EDA: variants seen among roughly 807,000 people sequenced by gnomAD.
The protein encoded by EDA is ectodysplasin A, also known as ectodysplasin-A.
EDA carries 2 observed loss-of-function variants against 23.6 expected under a neutral mutation model. The observed-to-expected ratio is 0.08, with a 90% confidence interval of 0.03 to 0.27. The LOEUF (loss-of-function observed/expected upper bound fraction) is 0.27, where lower values mean the gene tolerates loss of function less well. Among genes scored for constraint, EDA ranks in the 10% least tolerant of loss-of-function variants. The probability of loss-of-function intolerance (pLI) is 1.00; values close to 1 mark genes in which losing one functional copy is unlikely to be tolerated. For synonymous variants in EDA, 131 were observed against 132.0 expected (o/e 0.99, Z 0.05); for missense variants, 229 against 324.2 (o/e 0.71, Z 2.26).
intron 1 of EDA, among the ~76,000 whole-genome samples, chrX:69,846,174 G>A (rs1046850140): frequency 2.7e-5 from 3 of 112,466 alleles, no homozygotes; most frequent in African/African-American, 6.5e-5. Context: ...ACTCAAGGAC[G>A]AAATTTTCAA....
chrX:69,794,969 G>A (rs2015507327), intron 1 of EDA, among the ~76,000 whole-genome samples: 1 of 111,638 alleles, frequency 9.0e-6, no homozygotes, highest in Non-Finnish European at 1.9e-5. Context: ...GCTCAAAAGA[G>A]GGGCTACATA....
intron 2 of EDA, among the ~76,000 whole-genome samples, chrX:69,997,051 C>G (rs985876943): frequency 7.2e-5 from 8 of 111,466 alleles, no homozygotes; most frequent in Admixed American, 6.7e-4. Flanking sequence ...TAAACTGGTA[C>G]CAGCAGAATG....
intron 1 of EDA, among the ~76,000 whole-genome samples, chrX:69,787,655 A>G (rs1389000289): frequency 1.8e-5 from 2 of 111,382 alleles, no homozygotes; most frequent in Non-Finnish European, 3.8e-5. Flanking sequence ...TTCTGCCGAG[A>G]GATCCGTTGT....
chrX:69,878,130 ACAGT>A (rs762038203), intron 1 of EDA, among the ~76,000 whole-genome samples: 1 of 112,293 alleles, frequency 8.9e-6, no homozygotes, highest in African/African-American at 3.2e-5. Flanking sequence ...CCTGGAATCA[ACAGT>A]ATATTACATA....
intron 1 of EDA, among the ~76,000 whole-genome samples, chrX:69,656,758 T>C (rs1182854716): frequency 1.8e-5 from 2 of 111,831 alleles, no homozygotes; most frequent in Non-Finnish European, 3.8e-5. Context: ...TATTTGGTTT[T>C]CTGTTCCTGC....
intron 1 of EDA, among the ~76,000 whole-genome samples, chrX:69,771,694 G>T (rs183942772): frequency 1.8e-5 from 2 of 111,950 alleles, no homozygotes; most frequent in Admixed American, 1.9e-4. Context: ...CAATAAAGCC[G>T]TTATGAAAAA....
chrX:69,739,955 G>T (rs1025584405), intron 1 of EDA, among the ~76,000 whole-genome samples: 15 of 111,132 alleles, frequency 1.3e-4, no homozygotes, highest in African/African-American at 4.6e-4. Context: ...TTTATATAGA[G>T]TGTATTATAT....
intron 1 of EDA, chrX:69,670,193 T>TTTTTC: frequency 3.0e-6 from 1 of 335,053 alleles, no homozygotes; most frequent in Non-Finnish European, 5.0e-6. Flanking sequence ...GTTTTTTTTT[T>TTTTTC]TTTTTTTTTC....
At chrX:69,882,764 G>A (rs889257730) in intron 1 of EDA, among the ~76,000 whole-genome samples, 3 of 110,818 alleles carry the variant, frequency 2.7e-5, no homozygotes, top group African/African-American at 6.6e-5. Context: ...GTGCAATGGC[G>A]CTATCTCAGC....
At chrX:69,696,653 C>T (rs1030699596) in intron 1 of EDA, among the ~76,000 whole-genome samples, 12 of 111,736 alleles carry the variant, frequency 1.1e-4, no homozygotes, top group African/African-American at 3.9e-4. Flanking sequence ...GGATTTTCAA[C>T]TCTTAGTAAC....
chrX:69,918,443 C>A (rs2018378195), intron 1 of EDA, among the ~76,000 whole-genome samples: 1 of 111,791 alleles, frequency 8.9e-6, no homozygotes, highest in African/African-American at 3.3e-5. Context: ...AGGTGTGAAC[C>A]ACCGTGCCCG....
At chrX:70,031,629 G>A (rs914939246) in intron 6 of EDA, among the ~76,000 whole-genome samples, 8 of 111,893 alleles carry the variant, frequency 7.1e-5, no homozygotes, top group African/African-American at 2.6e-4. Context: ...TGAACTGGCT[G>A]TGCTGAGTTT....
chrX:69,913,662 T>A (rs2147656992), intron 1 of EDA, among the ~76,000 whole-genome samples: 1 of 112,481 alleles, frequency 8.9e-6, no homozygotes, highest in Non-Finnish European at 1.9e-5. Context: ...TTCAAACACT[T>A]TTCCTTTGCA....
chrX:69,946,645 A>T (rs759072037), intron 1 of EDA, among the ~76,000 whole-genome samples: 22 of 111,085 alleles, frequency 2.0e-4, no homozygotes, highest in African/African-American at 7.2e-4. Context: ...TCTTATTTGT[A>T]TCCTATTCCC....
At position 69,667,598 on chromosome X, in the gene EDA, T is replaced by G. The variant is rs756676832; in HGVS notation, c.396+50894T>G. Among the ~76,000 whole-genome samples the G allele has an allele frequency of 1.5e-4, 17 of 112,041 alleles. No homozygotes were observed. In the South Asian group the frequency reaches 6.3e-3, roughly 42 times the overall value. ...TTCTGTTCTCTGTTTATTTCTGTTC[T>G]GATTTTTATGATTTCTTTCCTTCTT... On this transcript the variant is annotated intron_variant, in intron 1 of 7. Transcript: ENST00000374552.
chrX:69,814,516 G>A (rs999080683), intron 1 of EDA, among the ~76,000 whole-genome samples: 21 of 112,863 alleles, frequency 1.9e-4, no homozygotes, highest in African/African-American at 6.4e-4. Context: ...TATTTCAAAT[G>A]TTCAGTCTTT....
chrX:69,806,430 A>G (rs909773019), intron 1 of EDA, among the ~76,000 whole-genome samples: 1 of 110,960 alleles, frequency 9.0e-6, no homozygotes, highest in Non-Finnish European at 1.9e-5. Flanking sequence ...ACTCTTTTGT[A>G]TTTAGTTGGC....
intron 1 of EDA, among the ~76,000 whole-genome samples, chrX:69,803,709 AT>A (rs1235667351): frequency 9.1e-6 from 1 of 110,421 alleles, no homozygotes; most frequent in Non-Finnish European, 1.9e-5. Context: ...ACTATATATT[AT>A]TGTTAACTAT....
chrX:69,616,147 C>A lies in EDA; in HGVS notation c.-162C>A. On this transcript the variant is annotated 5_prime_UTR_variant, in exon 1 of 8. Coordinates refer to ENST00000374552, the MANE Select transcript of EDA (RefSeq NM_001399.5). Reference sequence around the variant, plus strand: ...ACCCCTCGGAGTAGAGCTGCACATGCGGCTGCTCCCTGCTCCGTCCCGCCC... The same window carrying A: ...ACCCCTCGGAGTAGAGCTGCACATGAGGCTGCTCCCTGCTCCGTCCCGCCC... 1 of 515,376 alleles carries A rather than the reference C, an allele frequency of 1.9e-6. No individual in the cohort carries two copies. The highest frequency in any genetic ancestry group is 3.1e-5 in the South Asian group (1 of 32,086). The allele number at this position is 515,376 out of a possible 1,213,427, so 42.5% of individuals were successfully genotyped here.
Sources: gnomAD v4.1 joint callset for allele counts (sites outside exome capture counted in the v4.1 genomes callset) on GRCh38, gnomAD v4.1.1 for gene constraint, MANE v1.5 for transcripts, NCBI Gene and HGNC (gene_info 2026-07-23, HGNC 2026-07-21) for gene names.